The following BEX3 variants were observed in gnomAD, a reference collection of about 807,000 sequenced individuals.
BEX3 encodes the protein brain expressed X-linked 3, also known as protein BEX3.
A neutral mutation model predicts 6.1 loss-of-function variants in BEX3; 1 was observed. The observed-to-expected ratio is 0.16, with a 90% CI of 0.06 to 0.78. The LOEUF (loss-of-function observed/expected upper bound fraction) is 0.78, where lower values mean the gene tolerates loss of function less well. Among genes scored for constraint, BEX3 ranks in the 30% least tolerant of loss-of-function variants. BEX3 has a pLI of 0.75. For missense variants in BEX3, 49 were observed against 84.7 expected, an observed-to-expected ratio of 0.58 and a Z score of 1.65; for synonymous variants, 33 against 25.2, an observed-to-expected ratio of 1.31 and a Z score of -0.93.
upstream of BEX3, chrX:103,376,331 G>C (rs553622704): frequency 9.2e-6 from 3 of 325,171 alleles, no homozygotes; most frequent in East Asian, 4.4e-4. Flanking sequence ...GGACCGAGAA[G>C]AGTGACAGGG....
rs140310852 is a variant in BEX3, at chrX:103,378,153, C to T, written c.*326C>T. On this transcript the variant is annotated 3_prime_UTR_variant, in exon 3 of 3. Transcript: ENST00000361298. ...AAAAAAAAATCTGAGATTAAATACACTAGAGTGTTAATTGGTGAACATTTC... is the reference window on the plus strand; with the variant it reads ...AAAAAAAAATCTGAGATTAAATACATTAGAGTGTTAATTGGTGAACATTTC... 0.012 allele frequency: 2,446 copies of T among 197,410 alleles called. 24 individuals carry two copies. Among genetic ancestry groups the T allele is most frequent in the Middle Eastern group, 0.026 (14 of 538 alleles). The allele number at this position is 197,410 out of a possible 1,213,427, so 16.3% of individuals were successfully genotyped here.
chrX:103,377,548 G>A lies in BEX3; in HGVS notation c.27G>A (p.Glu9=). MEQPMQNG[E]EDRPLGGGEG... ...TGGAGCAGCCTATGCAGAATGGAGA[G>A]GAAGACCGCCCTTTGGGAGGAGGTG... The change falls in exon 3 of 3, where the codon GAG becomes GAA. Residue 9 remains glutamate, a synonymous_variant. Transcript: ENST00000361298. The A allele has an allele frequency of 8.3e-7, 1 of 1,211,420 alleles. No individual in the cohort carries two copies. Among genetic ancestry groups the A allele is most frequent in the Non-Finnish European group, 1.1e-6 (1 of 895,352 alleles).
chrX:103,376,352 TG>T, upstream of BEX3: 1 of 463,056 alleles, frequency 2.2e-6, no homozygotes, highest in Non-Finnish European at 2.7e-6. Context: ...CTGTGCGCTC[TG>T]GGGCACCTCA....
At position 103,377,929 on chromosome X, in the gene BEX3, A is replaced by G. The variant is rs1323253245; in HGVS notation, c.*102A>G. 2 of 632,702 alleles carry G rather than the reference A, an allele frequency of 3.2e-6. No individual in the cohort carries two copies. The highest frequency in any genetic ancestry group is 2.4e-6 in the Non-Finnish European group (1 of 414,601). 52.1% of individuals were successfully genotyped at this position (632,702 alleles called of 1,213,427 possible). ...TACTGATCCGTTTGCTGTGAACCCT[A>G]TGTTATTTCCATGTGTCAAGTGGGT... On this transcript the variant is annotated 3_prime_UTR_variant, in exon 3 of 3. Coordinates refer to ENST00000361298, the MANE Select transcript of BEX3 (RefSeq NM_206917.3).
chrX:103,377,311 T>A, intron 2 of BEX3, 199 bp from the exon 3 acceptor site: 1 of 166,527 alleles, frequency 6.0e-6, no homozygotes, highest in Non-Finnish European at 9.7e-6. Flanking sequence ...GGGAGGGGCT[T>A]TAATTGGAGG....
At chrX:103,377,362 C>T in intron 2 of BEX3, 148 bp from the exon 3 acceptor site, 2 of 808,838 alleles carry the variant, frequency 2.5e-6, no homozygotes, top group Non-Finnish European at 3.5e-6. Context: ...TGGGAAAAAA[C>T]GAAATTAAAA....
Position 103,377,762 on chromosome X carries a change from C to T in BEX3, c.241C>T (p.Arg81Cys). The T allele has an allele frequency of 4.1e-6, 5 of 1,211,168 alleles. No homozygotes were observed. Among genetic ancestry groups the T allele is most frequent in the Non-Finnish European group, 5.6e-6 (5 of 895,161 alleles). ...LRELQLRNCLRILMGELSNHH... is the reference protein window; with the variant it reads ...LRELQLRNCLCILMGELSNHH... ...GGAGCTGCAGTTGAGGAATTGTCTG[C>T]GTATCCTTATGGGGGAGCTCTCTAA... The change falls in exon 3 of 3, where the codon CGT becomes TGT. Residue 81 changes from arginine to cysteine, a missense_variant. Physicochemically the swap from Arg to Cys is radical, Grantham distance 180. Coordinates refer to ENST00000361298, the MANE Select transcript of BEX3 (RefSeq NM_206917.3).
rs1228128606 is a variant in BEX3, at chrX:103,377,055, G to A, written c.-64G>A. 3.4e-6 allele frequency: 1 copy of A among 290,057 alleles called. No homozygotes were observed. The highest frequency in any genetic ancestry group is 4.7e-6 in the Non-Finnish European group (1 of 214,792). The allele number at this position is 290,057 out of a possible 1,213,427, so 23.9% of individuals were successfully genotyped here. A position where few individuals can be genotyped will look rare whatever the true frequency, so the allele number is the denominator to read the frequency against. Reference sequence around the variant, plus strand: ...CTGCGAGGCTAAGTGTCTCCGCGGCGCACCTCGCGGCGAGAATCCGGAGGA... The same window carrying A: ...CTGCGAGGCTAAGTGTCTCCGCGGCACACCTCGCGGCGAGAATCCGGAGGA... On this transcript the variant is annotated 5_prime_UTR_variant, in exon 2 of 3. Transcript: ENST00000361298.
intron 2 of BEX3, 128 bp from the exon 3 acceptor site, chrX:103,377,382 A>G (rs1009061057): frequency 1.1e-6 from 1 of 886,979 alleles, no homozygotes. Context: ...AAATCCTTTG[A>G]TATCAGGGCT....
At chrX:103,377,149 G>C in intron 2 of BEX3, 43 bp downstream of exon 2, 1 of 288,938 alleles carries the variant, frequency 3.5e-6, no homozygotes, top group Non-Finnish European at 5.3e-6. Flanking sequence ...CGGAACGTAA[G>C]GAAAGCCCAG....
At position 103,377,494 on chromosome X, in the gene BEX3, G is replaced by T. The variant is rs1927268885; in HGVS notation, c.-12-16G>T. On this transcript the variant is annotated splice_polypyrimidine_tract_variant and intron_variant, in intron 2 of 2. Transcript: ENST00000361298. ...AACCAGAAAAAAAAAATCTCATCAT[G>T]GCAAATATTCACCAGGAAAACGAAG... is the stretch of plus-strand genomic sequence containing the variant. The T allele has an allele frequency of 9.2e-6, 11 of 1,196,296 alleles. No individual in the cohort carries two copies. The highest frequency in any genetic ancestry group is 1.2e-5 in the Non-Finnish European group (11 of 889,316).
chrX:103,376,491 C>T, upstream of BEX3: 1 of 752,987 alleles, frequency 1.3e-6, no homozygotes, highest in Non-Finnish European at 1.6e-6. Flanking sequence ...GCGCGGCCCT[C>T]ACGTGACCCA....
At position 103,378,049 on chromosome X, in the gene BEX3, G is replaced by T; in HGVS notation, c.*222G>T. 2.8e-6 allele frequency: 1 copy of T among 354,523 alleles called. No individual in the cohort carries two copies. The allele number at this position is 354,523 out of a possible 1,213,427, so 29.2% of individuals were successfully genotyped here. A position where few individuals can be genotyped will look rare whatever the true frequency, so the allele number is the denominator to read the frequency against. On this transcript the variant is annotated 3_prime_UTR_variant, in exon 3 of 3. Transcript: ENST00000361298. ...ACCCATTTGCATGGAAAAATTTAAA[G>T]CTAATAAAGCAATTTAAAAAGCAAT...
rs1452997696 is a variant in BEX3, at chrX:103,377,698, A to G, written c.177A>G (p.Ile59Met). 1 of 1,210,825 alleles carries G rather than the reference A, an allele frequency of 8.3e-7. No homozygotes were observed. Among genetic ancestry groups the G allele is most frequent in the East Asian group, 3.0e-5 (1 of 33,818 alleles). The change falls in exon 3 of 3, where the codon ATA becomes ATG. Residue 59 changes from isoleucine (I) to methionine (M), a missense_variant. Coordinates refer to ENST00000361298, the MANE Select transcript of BEX3 (RefSeq NM_206917.3). ...GMGGDGDDMEIFMEEMREIRR... is the reference protein window; with the variant it reads ...GMGGDGDDMEMFMEEMREIRR... Reference sequence around the variant, plus strand: ...GTGGAGATGGAGATGATATGGAAATATTCATGGAGGAGATGAGAGAAATCA... The same window carrying G: ...GTGGAGATGGAGATGATATGGAAATGTTCATGGAGGAGATGAGAGAAATCA...
In BEX3 at chrX:103,376,591, C is replaced by T. The variant is rs1927228700; in HGVS notation, c.-114C>T. The stretch of plus-strand genomic sequence containing the variant: ...GCCCTGAGCTCGGCGGGCTGGCATT[C>T]GGCCCGGGGAAAAGCGGAGCAGGTA... On this transcript the variant is annotated 5_prime_UTR_variant, in exon 1 of 3. Coordinates refer to ENST00000361298, the MANE Select transcript of BEX3 (RefSeq NM_206917.3). 5.3e-6 allele frequency: 4 copies of T among 753,507 alleles called. No individual in the cohort carries two copies. The highest frequency in any genetic ancestry group is 4.7e-6 in the Non-Finnish European group (3 of 638,704). The allele number at this position is 753,507 out of a possible 1,213,427, so 62.1% of individuals were successfully genotyped here. A position where few individuals can be genotyped will look rare whatever the true frequency, so the allele number is the denominator to read the frequency against.
chrX:103,376,514 G>A, upstream of BEX3: 1 of 753,381 alleles, frequency 1.3e-6, no homozygotes, highest in Non-Finnish European at 1.6e-6. Context: ...GCTGCAGAGC[G>A]ACGCAGCCTT....
chrX:103,377,483 A>G (rs762760457), intron 2 of BEX3, 27 bp from the exon 3 acceptor site: 2 of 1,186,773 alleles, frequency 1.7e-6, no homozygotes, highest in Admixed American at 5.0e-5. Flanking sequence ...AGAAAAAAAA[A>G]ATCTCATCAT....
rs762151889 is a variant in BEX3, at chrX:103,377,854, A to G, written c.*27A>G. 102 of 1,056,569 alleles carry G rather than the reference A, an allele frequency of 9.7e-5. No individual in the cohort carries two copies. Among genetic ancestry groups the G allele is most frequent in the Non-Finnish European group, 1.1e-4 (86 of 773,871 alleles). The allele number at this position is 1,056,569 out of a possible 1,213,427, so 87.1% of individuals were successfully genotyped here. ...TCCTGCCATTTATCATGAGATTAAT[A>G]CTGTGATTCCCGCTGTTTTCTTTTT... On this transcript the variant is annotated 3_prime_UTR_variant, in exon 3 of 3. Transcript: ENST00000361298.
At chrX:103,376,396 C>G, upstream of BEX3, 1 of 722,108 alleles carries the variant, frequency 1.4e-6, no homozygotes, top group Non-Finnish European at 1.6e-6. Context: ...GTTTTTTGCG[C>G]GTGCATATGG....
Sources: allele counts gnomAD v4.1 joint callset, GRCh38; gene constraint gnomAD v4.1.1; transcripts MANE v1.5; gene names NCBI Gene and HGNC (gene_info 2026-07-23, HGNC 2026-07-21).